COMMD10: variants seen among roughly 807,000 people sequenced by gnomAD.
The protein encoded by COMMD10 is COMM domain-containing protein 10.
COMMD10 carries 33 observed loss-of-function variants against 28.9 expected under a neutral mutation model. That is an observed-to-expected ratio of 1.14 (90% confidence interval 0.87 to 1.53). COMMD10 has a LOEUF of 1.53. Ranked by LOEUF, COMMD10 falls within the 40% of genes most tolerant of loss-of-function variation. COMMD10 has a pLI of 0.00. For missense variants in COMMD10, 310 were observed against 233.4 expected, an observed-to-expected ratio of 1.33 and a Z score of -2.14; for synonymous variants, 110 against 81.7, an observed-to-expected ratio of 1.35 and a Z score of -1.87.
intron 3 of COMMD10, among the ~76,000 whole-genome samples, chr5:116,091,585 C>T (rs890305586): frequency 8.5e-5 from 13 of 152,124 alleles, no homozygotes; most frequent in Admixed American, 7.2e-4. Context: ...AATTCACTTC[C>T]TGATTTAAGC....
At chr5:116,177,661 C>A (rs1028637702) in intron 5 of COMMD10, among the ~76,000 whole-genome samples, 2 of 152,008 alleles carry the variant, frequency 1.3e-5, no homozygotes, top group African/African-American at 4.8e-5. Flanking sequence ...GATTTTCAAG[C>A]ATCATTTTCT....
At chr5:116,285,427 A>C (rs1751192348) in intron 5 of COMMD10, among the ~76,000 whole-genome samples, 1 of 151,854 alleles carries the variant, frequency 6.6e-6, no homozygotes, top group Non-Finnish European at 1.5e-5. Context: ...ACTTCCCCAC[A>C]AAACAACTGC....
chr5:116,193,812 G>C lies in COMMD10; in HGVS notation c.510+59634G>C, dbSNP rs534593191. Among the ~76,000 whole-genome samples, 5 of 152,210 alleles carry C rather than the reference G, an allele frequency of 3.3e-5. 1 individual carries two copies. The South Asian group carries it at 1.0e-3, about 32-fold the overall frequency. On this transcript the variant is annotated intron_variant, in intron 5 of 6. Transcript: ENST00000274458. The stretch of plus-strand genomic sequence containing the variant: ...ATGAATTTGTACCTTGGAACAAATG[G>C]ACTTAGCAGATACATGCAGAACATT...
At chr5:116,271,504 C>T (rs1302883095) in intron 5 of COMMD10, among the ~76,000 whole-genome samples, 2 of 151,020 alleles carry the variant, frequency 1.3e-5, no homozygotes, top group Non-Finnish European at 2.9e-5. Context: ...GTATAAGTAC[C>T]CTCCATGAAT....
chr5:116,153,124 A>G (rs1580495545), intron 5 of COMMD10, among the ~76,000 whole-genome samples: 1 of 152,128 alleles, frequency 6.6e-6, no homozygotes, highest in Non-Finnish European at 1.5e-5. Flanking sequence ...AATTCTATAT[A>G]TTTTGGCTAT....
chr5:116,209,387 C>G (rs1748901273), intron 5 of COMMD10, among the ~76,000 whole-genome samples: 1 of 152,180 alleles, frequency 6.6e-6, no homozygotes, highest in Admixed American at 6.5e-5. Context: ...CGCACCAAAT[C>G]TGTAGTTAAT....
intron 5 of COMMD10, among the ~76,000 whole-genome samples, chr5:116,213,684 G>A (rs1749025572): frequency 6.6e-6 from 1 of 152,004 alleles, no homozygotes; most frequent in Non-Finnish European, 1.5e-5. Flanking sequence ...TTGCATATTA[G>A]TGAGGAAAAA....
chr5:116,120,445 G>T (rs187878582), intron 4 of COMMD10, among the ~76,000 whole-genome samples: 351 of 152,044 alleles, frequency 2.3e-3, no homozygotes, highest in African/African-American at 7.7e-3. Flanking sequence ...AGAAATCACT[G>T]CTACAGAACT....
chr5:116,157,462 G>C (rs1466522986), intron 5 of COMMD10, among the ~76,000 whole-genome samples: 1 of 152,142 alleles, frequency 6.6e-6, no homozygotes, highest in Admixed American at 6.6e-5. Context: ...AGTGGGATGA[G>C]TGGACTTTAT....
At chr5:116,271,792 C>G (rs1169155942) in intron 5 of COMMD10, among the ~76,000 whole-genome samples, 1 of 151,832 alleles carries the variant, frequency 6.6e-6, no homozygotes, top group East Asian at 1.9e-4. Context: ...AACTCTTAGG[C>G]CATTATTTCC....
chr5:116,247,175 C>T (rs146720188), intron 5 of COMMD10, among the ~76,000 whole-genome samples: 1 of 151,638 alleles, frequency 6.6e-6, no homozygotes, highest in African/African-American at 2.4e-5. Context: ...TAAACAGATA[C>T]TTTTCAAAAG....
At chr5:116,259,945 G>A (rs1750396093) in intron 5 of COMMD10, among the ~76,000 whole-genome samples, 1 of 151,726 alleles carries the variant, frequency 6.6e-6, no homozygotes, top group Non-Finnish European at 1.5e-5. Context: ...TTTCTCCAAT[G>A]TGATTTTGCC....
At chr5:116,089,611 GTATC>G (rs1750231291) in intron 2 of COMMD10, among the ~76,000 whole-genome samples, 1 of 152,202 alleles carries the variant, frequency 6.6e-6, no homozygotes, top group South Asian at 2.1e-4. Flanking sequence ...AGAATAGTTA[GTATC>G]TATCTTAGAG....
chr5:116,150,483 C>T (rs1752488766), intron 5 of COMMD10, among the ~76,000 whole-genome samples: 1 of 151,462 alleles, frequency 6.6e-6, no homozygotes, highest in African/African-American at 2.4e-5. Flanking sequence ...TTCTTCCTAC[C>T]CATGAGCATG....
intron 5 of COMMD10, among the ~76,000 whole-genome samples, chr5:116,283,564 C>T (rs775819911): frequency 1.3e-5 from 2 of 151,572 alleles, no homozygotes; most frequent in South Asian, 2.1e-4. Flanking sequence ...CCAGGCTGGT[C>T]TCGAACTCCT....
intron 5 of COMMD10, among the ~76,000 whole-genome samples, chr5:116,207,962 A>G (rs1012056789): frequency 6.6e-6 from 1 of 152,156 alleles, no homozygotes; most frequent in African/African-American, 2.4e-5. Context: ...TATTCCTGCT[A>G]TTATGGAGTT....
chr5:116,275,747 G>T (rs1750892990), intron 5 of COMMD10, among the ~76,000 whole-genome samples: 1 of 151,578 alleles, frequency 6.6e-6, no homozygotes, highest in African/African-American at 2.4e-5. Flanking sequence ...ATAAATTAAT[G>T]AAATAAAGAT....
chr5:116,195,779 A>G (rs557825613), intron 5 of COMMD10, among the ~76,000 whole-genome samples: 19 of 152,332 alleles, frequency 1.2e-4, no homozygotes, highest in African/African-American at 4.3e-4. Context: ...TAAAGACATG[A>G]ATAGACAATT....
intron 5 of COMMD10, among the ~76,000 whole-genome samples, chr5:116,259,083 C>G (rs1429285569): frequency 5.9e-5 from 7 of 119,564 alleles, no homozygotes; most frequent in African/African-American, 3.3e-5. Flanking sequence ...TTTTTTTTTC[C>G]TGAGAGTCTC....
Sources: allele counts gnomAD v4.1 joint callset (sites outside exome capture counted in the v4.1 genomes callset), GRCh38; gene constraint gnomAD v4.1.1; transcripts MANE v1.5; gene names NCBI Gene and HGNC (gene_info 2026-07-23, HGNC 2026-07-21).